PCDH1: variants seen among roughly 807,000 people sequenced by gnomAD.
The protein encoded by PCDH1 is protocadherin 1.
PCDH1 carries 23 observed loss-of-function variants against 74.6 expected under a neutral mutation model. That is an observed-to-expected ratio of 0.31 (90% CI 0.22 to 0.44). The LOEUF (loss-of-function observed/expected upper bound fraction) is 0.44. PCDH1 is among the 20% of genes least tolerant of loss of function. PCDH1 has a pLI of 1.00. For synonymous variants in PCDH1, 647 were observed against 686.1 expected, an observed-to-expected ratio of 0.94 and a Z score of 0.89; for missense variants, 1,214 against 1,641.4, an observed-to-expected ratio of 0.74 and a Z score of 4.50.
chr5:141,862,916 C>T (rs1345022816), intron 3 of PCDH1: 1 of 1,224,862 alleles, frequency 8.2e-7, no homozygotes, highest in Non-Finnish European at 1.0e-6. Flanking sequence ...CTTACGCTCA[C>T]CTGCCTACCA....
intron 1 of PCDH1, among the ~76,000 whole-genome samples, chr5:141,877,283 C>T (rs1191288007): frequency 1.3e-5 from 2 of 152,156 alleles, no homozygotes; most frequent in Admixed American, 1.3e-4. Flanking sequence ...GACCGTGAGG[C>T]GCTGCTGTAG....
At chr5:141,873,018 G>A (rs1364067360) in intron 1 of PCDH1, among the ~76,000 whole-genome samples, 2 of 152,174 alleles carry the variant, frequency 1.3e-5, no homozygotes, top group Non-Finnish European at 2.9e-5. Context: ...TCTTTATTCA[G>A]GAGGTGGGAC....
Position 141,865,128 on chromosome 5 carries a change from C to T in PCDH1, c.1203G>A (p.Met401Ile). 2 of 1,614,156 alleles carry T rather than the reference C, an allele frequency of 1.2e-6. No homozygotes were observed. The highest frequency in any genetic ancestry group is 2.2e-5 in the East Asian group (1 of 44,880). The stretch of plus-strand genomic sequence containing the variant: ...CTGCCACATCCTCTGAGATGTTAGC[C>T]ATCCCATCTTGATGAGTCACTAGCC... ...GIGLVTHQDG[M>I]ANISEDVAEE... Residue 401 changes from methionine (M) to isoleucine (I), a missense_variant, in exon 3 of 5, where the codon ATG becomes ATA. Physicochemically the swap from Met to Ile is conservative, Grantham distance 10. Around this residue, in one of 4 missense-constraint regions of PCDH1, gnomAD observed 836 missense variants for 1,182.2 expected, o/e 0.71. Coordinates refer to ENST00000287008, the MANE Select transcript of PCDH1 (RefSeq NM_032420.5). The surrounding 1 kb of genome is among the most constrained non-coding windows in gnomAD (Gnocchi z 4.4).
rs59007688 is a variant in PCDH1, at chr5:141,861,115, C to CAAAAA, written c.3099+2112_3099+2116dup. 2.9e-3 allele frequency among the ~76,000 whole-genome samples: 179 copies of CAAAAA among 61,748 alleles called. 1 individual carries two copies. Among genetic ancestry groups the CAAAAA allele is most frequent in the Non-Finnish European group, 3.7e-3 (130 of 35,014 alleles). 40.5% of individuals were successfully genotyped at this position (61,748 alleles called of 152,430 possible). A position where few individuals can be genotyped will look rare whatever the true frequency, so the allele number is the denominator to read the frequency against. On this transcript the variant is annotated intron_variant, in intron 3 of 4. Transcript: ENST00000287008. ...GGGCAACAAGAGCAAAACTCCATCTCAAAAAAAAAAAAAAAAAAAAAAAAG... is the reference window on the plus strand; with the variant it reads ...GGGCAACAAGAGCAAAACTCCATCTCAAAAAAAAAAAAAAAAAAAAAAAAAAAAAG...
chr5:141,862,468 T>C (rs913672773), intron 3 of PCDH1, among the ~76,000 whole-genome samples: 8 of 151,852 alleles, frequency 5.3e-5, no homozygotes, highest in African/African-American at 1.9e-4. Flanking sequence ...CAGACGTGGA[T>C]AGGGACATGG....
chr5:141,863,928 T>G lies in PCDH1; in HGVS notation c.2403A>C (p.Pro801=). 6.2e-7 allele frequency: 1 copy of G among 1,614,118 alleles called. No homozygotes were observed. The highest frequency in any genetic ancestry group is 1.1e-5 in the South Asian group (1 of 91,080). Residue 801 remains proline, a synonymous_variant, in exon 3 of 5, where the codon CCA becomes CCC. Transcript: ENST00000287008. The surrounding 1 kb of genome is among the most constrained non-coding windows in gnomAD (Gnocchi z 7.5). ...VVKVSDRGKP[P]RYGTALVHLY... ...GATGGACCAAGGCTGTGCCATAGCG[T>G]GGGGGCTTGCCGCGGTCACTGACCT...
At chr5:141,866,913 T>C (rs1025298947) in intron 2 of PCDH1, among the ~76,000 whole-genome samples, 7 of 152,194 alleles carry the variant, frequency 4.6e-5, no homozygotes, top group Non-Finnish European at 1.0e-4. Context: ...CTCAAGCCAC[T>C]GCCAGTCCTC....
Position 141,854,248 on chromosome 5 carries a change from C to T in PCDH1, c.3508G>A (p.Gly1170Ser), listed in dbSNP as rs749134415. 3.1e-6 allele frequency: 5 copies of T among 1,611,540 alleles called. No individual in the cohort carries two copies. Among genetic ancestry groups the T allele is most frequent in the Admixed American group, 1.7e-5 (1 of 59,728 alleles). Residue 1170 changes from glycine to serine, a missense_variant, in exon 5 of 5, where the codon GGC (glycine) becomes AGC (serine). Gly to Ser is a moderately conservative substitution (Grantham distance 56). This residue lies in a region of PCDH1 where 194 missense variants were observed against 198.3 expected (regional missense o/e 0.98). Coordinates refer to ENST00000287008, the MANE Select transcript of PCDH1 (RefSeq NM_032420.5). The stretch of plus-strand genomic sequence containing the variant: ...CGGTCTTCCGGGGGGCTGGGGCTGC[C>T]GGCGCCCGCAGGCTCCTGCCCTCCT... Reference protein sequence around the residue: ...DRGGQEPAGAGSPSPPEDRNT... With the variant: ...DRGGQEPAGASSPSPPEDRNT...
chr5:141,856,487 TAGAG>T (rs377413119), intron 4 of PCDH1, among the ~76,000 whole-genome samples: 35 of 152,120 alleles, frequency 2.3e-4, no homozygotes, highest in African/African-American at 8.2e-4. Flanking sequence ...AACTCCAACT[TAGAG>T]AGTCTTTCCA....
Position 141,865,969 on chromosome 5 carries a change from A to T in PCDH1, c.904-542T>A, listed in dbSNP as rs544864428. 6.1e-5 allele frequency: 48 copies of T among 782,532 alleles called. No individual in the cohort carries two copies. The East Asian group carries it at 1.5e-3, about 24-fold the overall frequency. 48.5% of individuals were successfully genotyped at this position (782,532 alleles called of 1,614,324 possible). ...TGTGTGAGAAGGTATATGTGTTTGT[A>T]TGTGTATGATTGTGTCAGAATGTGT... On this transcript the variant is annotated intron_variant, in intron 2 of 4. Transcript: ENST00000287008. This position sits in a 1 kb window ranked among gnomAD's most constrained non-coding sequence, Gnocchi z 4.4.
Position 141,863,707 on chromosome 5 carries a change from C to T in PCDH1, c.2624G>A (p.Arg875His), listed in dbSNP as rs568532537. 70 of 1,614,190 alleles carry T rather than the reference C, an allele frequency of 4.3e-5. No individual in the cohort carries two copies. Among genetic ancestry groups the T allele is most frequent in the East Asian group, 6.7e-5 (3 of 44,886 alleles). The stretch of plus-strand genomic sequence containing the variant: ...TTTGGCCTCCCGCTGTCTGCAGTAG[C>T]GCACAAGAACCGCCAGGGCGATGAG... ...ALLIALAVLVRYCRQREAKSG... is the reference protein window; with the variant it reads ...ALLIALAVLVHYCRQREAKSG... The change falls in exon 3 of 5, where the codon CGC (arginine) becomes CAC (histidine). Residue 875 changes from arginine (R) to histidine (H), a missense_variant. By Grantham distance (29) the Arg-to-His change is conservative. This residue lies in a region of PCDH1 where 836 missense variants were observed against 1,182.2 expected (regional missense o/e 0.71). Transcript: ENST00000287008. The surrounding 1 kb of genome is among the most constrained non-coding windows in gnomAD (Gnocchi z 7.5).
rs998727710 is a variant in PCDH1 at position 141,869,730 on chromosome 5, G to A, written c.41-299C>T. On this transcript the variant is annotated intron_variant, in intron 1 of 4. Coordinates refer to ENST00000287008, the MANE Select transcript of PCDH1 (RefSeq NM_032420.5). This position sits in a 1 kb window ranked among gnomAD's most constrained non-coding sequence, Gnocchi z 4.9. Reference sequence around the variant, plus strand: ...CCTGACGCTCCCTGGGCCCAAGCCCGGCTGCCCGCCCTCTTTCCTTCTTTT... The same window carrying A: ...CCTGACGCTCCCTGGGCCCAAGCCCAGCTGCCCGCCCTCTTTCCTTCTTTT... 2.4e-5 allele frequency: 35 copies of A among 1,461,272 alleles called. No individual in the cohort carries two copies. The highest frequency in any genetic ancestry group is 1.9e-4 in the Middle Eastern group (1 of 5,348). 90.5% of individuals were successfully genotyped at this position (1,461,272 alleles called of 1,614,324 possible).
chr5:141,869,672 G>C lies in PCDH1; in HGVS notation c.41-241C>G. ...GCCAGTAAGAGGCCTGGCATGCCTA[G>C]AGCAGCTCCCGCCCATGGAACACCC... On this transcript the variant is annotated intron_variant, in intron 1 of 4. Transcript: ENST00000287008. This position sits in a 1 kb window ranked among gnomAD's most constrained non-coding sequence, Gnocchi z 4.9. 2 of 1,527,924 alleles carry C rather than the reference G, an allele frequency of 1.3e-6. No individual in the cohort carries two copies. The highest frequency in any genetic ancestry group is 1.8e-6 in the Non-Finnish European group (2 of 1,142,316). 94.6% of individuals were successfully genotyped at this position (1,527,924 alleles called of 1,614,324 possible). A position where few individuals can be genotyped will look rare whatever the true frequency, so the allele number is the denominator to read the frequency against.
chr5:141,855,881 C>T (rs576047358), intron 4 of PCDH1, among the ~76,000 whole-genome samples: 264 of 152,246 alleles, frequency 1.7e-3, no homozygotes, highest in African/African-American at 6.2e-3. Flanking sequence ...TCCATGGGAA[C>T]GGCTGGGCCA....
At position 141,855,462 on chromosome 5, in the gene PCDH1, T is replaced by C. The variant is rs1053318473; in HGVS notation, c.3320-1026A>G. ...AAACCTCCATCCTCATTGAATTGAT[T>C]GACACAATCAACTCTCTCTCTCTCT... On this transcript the variant is annotated intron_variant, in intron 4 of 4. Coordinates refer to ENST00000287008, the MANE Select transcript of PCDH1 (RefSeq NM_032420.5). 5.3e-5 allele frequency among the ~76,000 whole-genome samples: 8 copies of C among 152,214 alleles called. No homozygotes were observed. In the South Asian group the frequency reaches 1.7e-3, roughly 32 times the overall value.
Position 141,856,301 on chromosome 5 carries a change from G to A in PCDH1, c.3319+951C>T, listed in dbSNP as rs529869746. 1.3e-4 allele frequency: 203 copies of A among 1,530,314 alleles called. No homozygotes were observed. The South Asian group carries it at 1.8e-3, about 13-fold the overall frequency. The allele number at this position is 1,530,314 out of a possible 1,614,324, so 94.8% of individuals were successfully genotyped here. On this transcript the variant is annotated intron_variant, in intron 4 of 4. Transcript: ENST00000287008. Reference sequence around the variant, plus strand: ...AAAAGGATGAGACGGGCATGAGATCGCGCATGGAGGGGCGGGGTGGGGGTG... The same window carrying A: ...AAAAGGATGAGACGGGCATGAGATCACGCATGGAGGGGCGGGGTGGGGGTG...
At chr5:141,874,252 G>A (rs900188558) in intron 1 of PCDH1, among the ~76,000 whole-genome samples, 3 of 152,220 alleles carry the variant, frequency 2.0e-5, no homozygotes, top group Non-Finnish European at 4.4e-5. Context: ...TGGCCTGGAA[G>A]GGCAGGAGCA....
intron 2 of PCDH1, among the ~76,000 whole-genome samples, chr5:141,866,998 C>T (rs564548363): frequency 5.9e-5 from 9 of 152,168 alleles, no homozygotes; most frequent in Non-Finnish European, 1.0e-4. Context: ...GGCAATGGTT[C>T]CCCAGGTACC....
intron 1 of PCDH1, among the ~76,000 whole-genome samples, chr5:141,872,800 G>C (rs1401090963): frequency 6.6e-6 from 1 of 152,182 alleles, no homozygotes; most frequent in Non-Finnish European, 1.5e-5. Flanking sequence ...ATTGGAAAGA[G>C]AAGGAGAACC....
Sources: gnomAD v4.1 joint callset for allele counts (sites outside exome capture counted in the v4.1 genomes callset) on GRCh38, gnomAD v4.1.1 for gene constraint, gnomAD v4.1.1 regional missense constraint, Gnocchi (gnomAD v3.1) non-coding constraint, MANE v1.5 for transcripts, NCBI Gene and HGNC (gene_info 2026-07-23, HGNC 2026-07-21) for gene names.